The following RBM39 variants were observed in gnomAD, a reference collection of about 807,000 sequenced individuals.
RBM39 encodes the protein RNA-binding protein 39.
RBM39 carries 12 observed loss-of-function variants against 79.6 expected under a neutral mutation model. The observed-to-expected ratio is 0.15, with a 90% CI of 0.10 to 0.24. RBM39 has a LOEUF of 0.24. Among genes scored for constraint, RBM39 ranks in the 10% least tolerant of loss-of-function variants. The pLI is 1.00. For synonymous variants in RBM39, 185 were observed against 208.4 expected (o/e 0.89, Z 0.97); for missense variants, 243 against 653.4 (o/e 0.37, Z 6.85).
Position 35,717,863 on chromosome 20 carries a change from CT to C in RBM39, c.826-1059del, listed in dbSNP as rs56755932. Among the ~76,000 whole-genome samples, 459 of 146,624 alleles carry C rather than the reference CT, an allele frequency of 3.1e-3. 3 individuals carry two copies. The highest frequency in any genetic ancestry group is 9.0e-3 in the African/African-American group (363 of 40,298). ...GACTCTGTCTCAAACAAGAAAGGAACTTTTTTTTTTTTTGAGACGGAGTCTC... is the reference window on the plus strand; with the variant it reads ...GACTCTGTCTCAAACAAGAAAGGAACTTTTTTTTTTTTGAGACGGAGTCTC... On this transcript the variant is annotated intron_variant, in intron 9 of 16. Coordinates refer to ENST00000253363, the MANE Select transcript of RBM39 (RefSeq NM_184234.3).
chr20:35,713,858 C>A, intron 11 of RBM39: 2 of 215,832 alleles, frequency 9.3e-6, no homozygotes, highest in Non-Finnish European at 9.4e-6. Flanking sequence ...GAGCCAGACC[C>A]TGCATCAAAA....
rs535267217 is a variant in RBM39, at chr20:35,701,772, A to G, written c.*2709T>C. ...CTGTCTCAAAACAAAAAAAATTTGT[A>G]TTCTTAGTAGAGACGGGGTTTCACT... On this transcript the variant is annotated 3_prime_UTR_variant, in exon 17 of 17. Coordinates refer to ENST00000253363, the MANE Select transcript of RBM39 (RefSeq NM_184234.3). 2 of 152,032 alleles carry G rather than the reference A, an allele frequency of 1.3e-5. No individual in the cohort carries two copies. Among genetic ancestry groups the G allele is most frequent in the Non-Finnish European group, 2.9e-5 (2 of 68,034 alleles). 9.4% of individuals were successfully genotyped at this position (152,032 alleles called of 1,614,324 possible).
At chr20:35,704,981 G>C (rs1288540885) in intron 15 of RBM39, 1 of 585,614 alleles carries the variant, frequency 1.7e-6, no homozygotes, top group Non-Finnish European at 3.0e-6. Flanking sequence ...AATGAATCAA[G>C]ATGCCAAGAT....
At chr20:35,729,662 T>C (rs1600576140) in intron 4 of RBM39, 135 bp from the exon 5 acceptor site, 5 of 744,546 alleles carry the variant, frequency 6.7e-6, no homozygotes, top group East Asian at 5.5e-5. Context: ...GAAACAAAAA[T>C]ACTTGTCTCT....
At position 35,702,402 on chromosome 20, in the gene RBM39, T is replaced by G. The variant is rs1229059535; in HGVS notation, c.*2079A>C. ...GTTACTACACTCCAACCACATTTCCTCTGAACATTATTTACACACCAAATT... is the reference window on the plus strand; with the variant it reads ...GTTACTACACTCCAACCACATTTCCGCTGAACATTATTTACACACCAAATT... On this transcript the variant is annotated 3_prime_UTR_variant, in exon 17 of 17. Transcript: ENST00000253363. 6.6e-6 allele frequency: 1 copy of G among 152,238 alleles called. No individual in the cohort carries two copies. The highest frequency in any genetic ancestry group is 1.5e-5 in the Non-Finnish European group (1 of 68,050). 9.4% of individuals were successfully genotyped at this position (152,238 alleles called of 1,614,324 possible).
intron 11 of RBM39, chr20:35,713,489 CT>C (rs1247269229): frequency 6.3e-6 from 1 of 158,224 alleles, no homozygotes; most frequent in Admixed American, 6.1e-5. Flanking sequence ...CCATGACCGG[CT>C]AATTTTTTAT....
rs2040212151 is a variant in RBM39, at chr20:35,738,488, A to T, written c.101+480T>A. On this transcript the variant is annotated intron_variant, in intron 3 of 16. Transcript: ENST00000253363. ...AAGCCACCTTTAGAAGTACTTAAGT[A>T]CCTGTTCCATCACTTCCAAAAGGGC... Among the ~76,000 whole-genome samples the T allele has an allele frequency of 2.1e-5, 3 of 144,636 alleles. No homozygotes were observed. In the South Asian group the frequency reaches 6.5e-4, roughly 31 times the overall value. The allele number at this position is 144,636 out of a possible 152,430, so 94.9% of individuals were successfully genotyped here.
At position 35,713,980 on chromosome 20, in the gene RBM39, T is replaced by A. The variant is rs945880428; in HGVS notation, c.1096+205A>T. The A allele has an allele frequency of 8.7e-5, 49 of 562,900 alleles. 1 individual carries two copies. The South Asian group carries it at 1.0e-3, about 12-fold the overall frequency. The allele number at this position is 562,900 out of a possible 1,614,324, so 34.9% of individuals were successfully genotyped here. A position where few individuals can be genotyped will look rare whatever the true frequency, so the allele number is the denominator to read the frequency against. ...AAAGGAAAAGAAATCTTGCAACTTA[T>A]ACTGTGGCATTCAAAACACATAATA... On this transcript the variant is annotated intron_variant, in intron 11 of 16. Transcript: ENST00000253363.
At chr20:35,705,053 T>C in intron 15 of RBM39, 172 bp downstream of exon 15, 1 of 606,174 alleles carries the variant, frequency 1.6e-6, no homozygotes, top group South Asian at 2.0e-5. Context: ...TTGTTACTGA[T>C]TTTCTTTTAT....
rs1568991258 is a variant in RBM39, at chr20:35,709,238, G to A, written c.1211C>T (p.Ser404Phe). ...SFVIDLQTRL[S>F]QQTEASALAA... is the part of the protein sequence containing the mutation. ...CTTCAACTCACCTTCAGTCTGCTGG[G>A]AAAGTCTTGTTTGCAAATCTATAAC... The change falls in exon 13 of 17, where the codon TCC (serine) becomes TTC (phenylalanine). Residue 404 changes from serine to phenylalanine, a missense_variant. Coordinates refer to ENST00000253363, the MANE Select transcript of RBM39 (RefSeq NM_184234.3). 6.2e-7 allele frequency: 1 copy of A among 1,609,728 alleles called. No individual in the cohort carries two copies. Among genetic ancestry groups the A allele is most frequent in the Admixed American group, 1.7e-5 (1 of 59,796 alleles).
intron 14 of RBM39, among the ~76,000 whole-genome samples, chr20:35,706,370 G>GAT (rs1251764543): frequency 6.6e-6 from 1 of 152,128 alleles, no homozygotes; most frequent in African/African-American, 2.4e-5. Context: ...GCTATCAAAT[G>GAT]ATACTTACAA....
At chr20:35,706,325 C>G (rs558416396) in intron 14 of RBM39, among the ~76,000 whole-genome samples, 9 of 151,046 alleles carry the variant, frequency 6.0e-5, no homozygotes, top group Admixed American at 5.9e-4. Context: ...TAGACTGAGA[C>G]TCTGGCTCCA....
intron 9 of RBM39, among the ~76,000 whole-genome samples, chr20:35,718,681 C>T (rs779373581): frequency 4.0e-5 from 6 of 151,828 alleles, no homozygotes; most frequent in East Asian, 3.9e-4. Flanking sequence ...GGTGTGGTGC[C>T]GCATGCCTGT....
chr20:35,716,678 C>G (rs746492337), intron 10 of RBM39, 62 bp downstream of exon 10: 12 of 1,028,278 alleles, frequency 1.2e-5, no homozygotes, highest in Non-Finnish European at 1.7e-5. Context: ...ATCTGAGCAA[C>G]ACAGCAAATG....
intron 12 of RBM39, among the ~76,000 whole-genome samples, chr20:35,712,534 C>T (rs2425083): frequency 0.25 from 37,180 of 147,676 alleles, 5,443 homozygotes; most frequent in African/African-American, 0.41. Context: ...ATTGTAAAAA[C>T]GTCAATTCAC....
chr20:35,719,843 C>A (rs2378392), intron 9 of RBM39, among the ~76,000 whole-genome samples: 2 of 151,872 alleles, frequency 1.3e-5, no homozygotes, highest in East Asian at 1.9e-4. Context: ...GTTATCCAGG[C>A]GTGATCTCGG....
In RBM39 at chr20:35,740,814, T is replaced by G. The variant is rs1393134970; in HGVS notation, c.51+10A>C. ...AAATATATAAACCTCACCGACATGT[T>G]TTTTCTCACCTTCTTGTAAGGAGCC... On this transcript the variant is annotated intron_variant, in intron 2 of 16. Coordinates refer to ENST00000253363, the MANE Select transcript of RBM39 (RefSeq NM_184234.3). The G allele has an allele frequency of 6.2e-7, 1 of 1,606,806 alleles. No individual in the cohort carries two copies. The highest frequency in any genetic ancestry group is 1.1e-5 in the South Asian group (1 of 89,896).
chr20:35,734,266 T>G, intron 3 of RBM39: 1 of 1,294,056 alleles, frequency 7.7e-7, no homozygotes, highest in Non-Finnish European at 1.0e-6. Context: ...GTCTAAAATT[T>G]CAAGATAATC....
intron 12 of RBM39, among the ~76,000 whole-genome samples, chr20:35,709,775 A>G (rs565409952): frequency 6.6e-6 from 1 of 152,336 alleles, no homozygotes; most frequent in South Asian, 2.1e-4. Flanking sequence ...ATTGGGAAAT[A>G]CACCATTCCA....
Sources: gnomAD v4.1 joint callset for allele counts (sites outside exome capture counted in the v4.1 genomes callset) on GRCh38, gnomAD v4.1.1 for gene constraint, MANE v1.5 for transcripts, NCBI Gene and HGNC (gene_info 2026-07-23, HGNC 2026-07-21) for gene names.